TNRC6A: variants seen among roughly 807,000 people sequenced by gnomAD.
The protein encoded by TNRC6A is trinucleotide repeat containing adaptor 6A.
A neutral mutation model predicts 221.2 loss-of-function variants in TNRC6A; 44 were observed. The ratio of observed to expected loss-of-function variants is 0.20; its 90% confidence interval spans 0.16 to 0.26. TNRC6A has a LOEUF of 0.26. Ranked by LOEUF, TNRC6A falls within the 10% of genes least tolerant of loss-of-function variation. The probability of loss-of-function intolerance (pLI) is 1.00; values close to 1 mark genes in which losing one functional copy is unlikely to be tolerated. For synonymous variants in TNRC6A, 847 were observed against 838.5 expected, an observed-to-expected ratio of 1.01 and a Z score of -0.18; for missense variants, 2,199 against 2,404.4, an observed-to-expected ratio of 0.91 and a Z score of 1.79.
intron 15 of TNRC6A, 26 bp downstream of exon 15, chr16:24,805,759 G>C: frequency 6.2e-7 from 1 of 1,613,970 alleles, no homozygotes; most frequent in Non-Finnish European, 8.5e-7. Context: ...GTCTTTCTTA[G>C]TACACATTTA....
Position 24,782,820 on chromosome 16 carries a change from C to T in TNRC6A, c.589+5462C>T, listed in dbSNP as rs56009863. Among the ~76,000 whole-genome samples, 500 of 152,046 alleles carry T rather than the reference C, an allele frequency of 3.3e-3. 4 individuals carry two copies. Among genetic ancestry groups the T allele is most frequent in the African/African-American group, 0.012 (486 of 41,492 alleles). On this transcript the variant is annotated intron_variant, in intron 5 of 24. Transcript: ENST00000395799. Reference sequence around the variant, plus strand: ...CCGGGAGGCAGAGCTTACAGTGAGCCGAGATCGCGCCACTGCACTCCAGCC... The same window carrying T: ...CCGGGAGGCAGAGCTTACAGTGAGCTGAGATCGCGCCACTGCACTCCAGCC...
Position 24,806,329 on chromosome 16 carries a change from A to G in TNRC6A, c.4329+46A>G, listed in dbSNP as rs372570570. 2.5e-5 allele frequency: 40 copies of G among 1,601,604 alleles called. 1 individual carries two copies. In the Middle Eastern group the frequency reaches 1.8e-3, roughly 73 times the overall value. On this transcript the variant is annotated intron_variant, in intron 16 of 24. Transcript: ENST00000395799. Reference sequence around the variant, plus strand: ...CGCAATGCTGTCTTTGTGTTAATAAACTCTGCTTATCTCCATTGTAGCAAG... The same window carrying G: ...CGCAATGCTGTCTTTGTGTTAATAAGCTCTGCTTATCTCCATTGTAGCAAG...
At chr16:24,627,539 G>T (rs754966855) in intron 1 of TNRC6A, among the ~76,000 whole-genome samples, 3 of 151,886 alleles carry the variant, frequency 2.0e-5, no homozygotes, top group Non-Finnish European at 4.4e-5. Context: ...TGGATTTCCC[G>T]CAGGCTTCCT....
intron 5 of TNRC6A, among the ~76,000 whole-genome samples, chr16:24,780,168 GA>G (rs2057810226): frequency 6.6e-6 from 1 of 152,140 alleles, no homozygotes; most frequent in Non-Finnish European, 1.5e-5. Flanking sequence ...GATCCATACA[GA>G]AAAATTAAGA....
At chr16:24,651,102 G>A (rs1902616271) in intron 2 of TNRC6A, among the ~76,000 whole-genome samples, 1 of 151,170 alleles carries the variant, frequency 6.6e-6, no homozygotes, top group Admixed American at 6.6e-5. Flanking sequence ...TGCACAGAAG[G>A]TATGTAGGAA....
rs559767553 is a variant in TNRC6A at position 24,793,581 on chromosome 16, T to C, written c.3284T>C (p.Ile1095Thr). ...AGTGGTCCCAGCTGGGGGGAACCCATTGCTGCGGCATCCAGCACATCCACG... is the reference window on the plus strand; with the variant it reads ...AGTGGTCCCAGCTGGGGGGAACCCACTGCTGCGGCATCCAGCACATCCACG... ...IDSGPSWGEP[I>T]AAASSTSTWG... is the part of the protein sequence containing the mutation. The change falls in exon 7 of 25, where the codon ATT becomes ACT. Residue 1095 changes from isoleucine to threonine, a missense_variant. This residue lies in a region of TNRC6A where 1,405 missense variants were observed against 1,400.2 expected (regional missense o/e 1.00). Coordinates refer to ENST00000395799, the MANE Select transcript of TNRC6A (RefSeq NM_014494.4). 5.1e-6 allele frequency: 8 copies of C among 1,565,884 alleles called. No homozygotes were observed. In the South Asian group the frequency reaches 9.9e-5, roughly 19 times the overall value.
At chr16:24,798,066 A>T in intron 11 of TNRC6A, 100 bp downstream of exon 11, 1 of 1,006,146 alleles carries the variant, frequency 9.9e-7, no homozygotes, top group South Asian at 1.8e-5. Context: ...AGGACAGGGG[A>T]GGCTGTGCTC....
chr16:24,800,509 G>C (rs909410875), intron 11 of TNRC6A, among the ~76,000 whole-genome samples: 9 of 152,232 alleles, frequency 5.9e-5, no homozygotes, highest in Non-Finnish European at 1.2e-4. Context: ...AGTGCCGATA[G>C]TGGAGAAGGC....
intron 3 of TNRC6A, among the ~76,000 whole-genome samples, chr16:24,756,323 C>T (rs958415668): frequency 6.6e-6 from 1 of 152,114 alleles, no homozygotes; most frequent in Non-Finnish European, 1.5e-5. Context: ...TGACTGATCC[C>T]ACCTGGAAAA....
chr16:24,641,214 C>G (rs1411919884), intron 2 of TNRC6A, among the ~76,000 whole-genome samples: 12 of 152,186 alleles, frequency 7.9e-5, no homozygotes, highest in Admixed American at 7.9e-4. Context: ...TACCATCACC[C>G]CACGTCACCT....
At chr16:24,752,391 G>A (rs1419826073) in intron 3 of TNRC6A, among the ~76,000 whole-genome samples, 2 of 152,196 alleles carry the variant, frequency 1.3e-5, no homozygotes, top group East Asian at 1.9e-4. Flanking sequence ...GCAAGTATTA[G>A]GGGAGGAGAA....
chr16:24,786,976 C>T lies in TNRC6A; in HGVS notation c.590-2256C>T, dbSNP rs916330452. 2.0e-5 allele frequency among the ~76,000 whole-genome samples: 3 copies of T among 152,156 alleles called. No individual in the cohort carries two copies. The East Asian group carries it at 5.8e-4, about 29-fold the overall frequency. Reference sequence around the variant, plus strand: ...GATTACAGGCATAAGCCACGGCGCCCGGCCTGGTACTAATACTGTTTCTAC... The same window carrying T: ...GATTACAGGCATAAGCCACGGCGCCTGGCCTGGTACTAATACTGTTTCTAC... On this transcript the variant is annotated intron_variant, in intron 5 of 24. Transcript: ENST00000395799.
At chr16:24,735,949 G>T (rs987035189) in intron 2 of TNRC6A, among the ~76,000 whole-genome samples, 4 of 152,158 alleles carry the variant, frequency 2.6e-5, no homozygotes, top group Admixed American at 2.6e-4. Context: ...CAGATCACTG[G>T]AGGTCAGGAG....
At chr16:24,822,380 G>A (rs1474176316) in intron 23 of TNRC6A, among the ~76,000 whole-genome samples, 1 of 152,194 alleles carries the variant, frequency 6.6e-6, no homozygotes, top group African/African-American at 2.4e-5. Flanking sequence ...CCCAGAGATT[G>A]AGTCAGTAGA....
Position 24,791,135 on chromosome 16 carries a change from C to G in TNRC6A, c.2493C>G (p.Asp831Glu). 1.2e-6 allele frequency: 2 copies of G among 1,614,010 alleles called. No homozygotes were observed. The highest frequency in any genetic ancestry group is 1.7e-6 in the Non-Finnish European group (2 of 1,179,998). Residue 831 changes from aspartate to glutamate, a missense_variant, in exon 6 of 25, where the codon GAC becomes GAG. Asp to Glu is a conservative substitution (Grantham distance 45). This residue lies in a region of TNRC6A where 1,405 missense variants were observed against 1,400.2 expected (regional missense o/e 1.00). Coordinates refer to ENST00000395799, the MANE Select transcript of TNRC6A (RefSeq NM_014494.4). ...NCKEEKAAWNDSQKNKQGWGD... is the reference protein window; with the variant it reads ...NCKEEKAAWNESQKNKQGWGD... Reference sequence around the variant, plus strand: ...AAGAGGAGAAGGCTGCATGGAATGACTCGCAAAAGAATAAACAGGGATGGG... The same window carrying G: ...AAGAGGAGAAGGCTGCATGGAATGAGTCGCAAAAGAATAAACAGGGATGGG...
intron 11 of TNRC6A, among the ~76,000 whole-genome samples, chr16:24,800,507 T>C (rs1457466887): frequency 6.6e-6 from 1 of 152,156 alleles, no homozygotes; most frequent in Non-Finnish European, 1.5e-5. Flanking sequence ...AGAGTGCCGA[T>C]AGTGGAGAAG....
intron 2 of TNRC6A, among the ~76,000 whole-genome samples, chr16:24,658,564 G>A (rs1377424606): frequency 3.3e-5 from 5 of 152,044 alleles, no homozygotes; most frequent in African/African-American, 9.7e-5. Flanking sequence ...GTTTCACCAT[G>A]TTGGCCAGGC....
chr16:24,665,195 G>A (rs1457046401), intron 2 of TNRC6A, among the ~76,000 whole-genome samples: 4 of 151,904 alleles, frequency 2.6e-5, no homozygotes, highest in East Asian at 1.9e-4. Context: ...TCAGCCTCTC[G>A]AGTAGCTGGG....
chr16:24,657,340 A>AAAAC (rs1567330492), intron 2 of TNRC6A, among the ~76,000 whole-genome samples: 3 of 113,822 alleles, frequency 2.6e-5, no homozygotes, highest in African/African-American at 2.8e-5. Context: ...AAAAAAAAAA[A>AAAAC]AACAAACAAA....
Sources: gnomAD v4.1 joint callset for allele counts (sites outside exome capture counted in the v4.1 genomes callset) on GRCh38, gnomAD v4.1.1 for gene constraint, gnomAD v4.1.1 regional missense constraint, MANE v1.5 for transcripts, NCBI Gene and HGNC (gene_info 2026-07-23, HGNC 2026-07-21) for gene names.